Variants in LETMD1 observed in about 807,000 individuals in gnomAD.
The protein encoded by LETMD1 is LETM1 domain containing 1.
A neutral mutation model predicts 43.9 loss-of-function variants in LETMD1; 30 were observed. The ratio of observed to expected loss-of-function variants is 0.68; its 90% CI spans 0.51 to 0.93. The LOEUF (loss-of-function observed/expected upper bound fraction) is 0.93. Ranked by LOEUF, LETMD1 falls within the 40% of genes least tolerant of loss-of-function variation. The pLI is 0.00. For synonymous variants in LETMD1, 176 were observed against 163.1 expected (o/e 1.08, Z -0.60); for missense variants, 413 against 447.7 (o/e 0.92, Z 0.70).
At chr12:51,068,643 C>T in the LETMD1 span, among the ~76,000 whole-genome samples, 1 of 152,162 alleles carries the variant, frequency 6.6e-6, no homozygotes, top group African/African-American at 2.4e-5. Flanking sequence ...TATTTCCAGA[C>T]ATGTATCCCC....
chr12:51,054,311 C>T (rs989507695), intron 4 of LETMD1, among the ~76,000 whole-genome samples: 1 of 152,146 alleles, frequency 6.6e-6, no homozygotes, highest in African/African-American at 2.4e-5. Context: ...AGCTTAATAG[C>T]ATAAAACAAT....
intron 2 of LETMD1, 147 bp downstream of exon 2, chr12:51,049,332 T>C (rs1479078340): frequency 1.4e-5 from 9 of 621,110 alleles, no homozygotes; most frequent in Middle Eastern, 2.7e-4. Context: ...CTTAAACTAA[T>C]TCCTATAAAT....
At chr12:51,055,683 A>AAC (rs1947464717) in intron 4 of LETMD1, 152 bp from the exon 5 acceptor site, 2 of 439,374 alleles carry the variant, frequency 4.6e-6, no homozygotes, top group Admixed American at 4.1e-5. Context: ...AAAAAAAAAA[A>AAC]AAAAAAACTG....
At chr12:51,058,976 C>T (rs566229985) in intron 8 of LETMD1, 3 of 266,646 alleles carry the variant, frequency 1.1e-5, no homozygotes, top group Admixed American at 9.3e-5. Flanking sequence ...GGCTTGTTTG[C>T]CCCCTGTTTA....
At chr12:51,055,685 A>C (rs1592654499) in intron 4 of LETMD1, 150 bp from the exon 5 acceptor site, 3 of 444,534 alleles carry the variant, frequency 6.7e-6, no homozygotes, top group East Asian at 7.6e-5. Context: ...AAAAAAAAAA[A>C]AAAAACTGAA....
chr12:51,065,277 T>C (rs1938046645), downstream of LETMD1, among the ~76,000 whole-genome samples: 1 of 152,208 alleles, frequency 6.6e-6, no homozygotes, highest in South Asian at 2.1e-4. Context: ...GGTTGACTAG[T>C]TTAGTTCTGA....
chr12:51,064,065 T>C (rs534645873), downstream of LETMD1: 3 of 1,614,196 alleles, frequency 1.9e-6, no homozygotes, highest in African/African-American at 4.0e-5. Flanking sequence ...GGCTGAGCCT[T>C]CTTCCGTACC....
rs755167869 is a variant in LETMD1, at chr12:51,048,463, C to G, written c.107C>G (p.Ala36Gly). 1.2e-6 allele frequency: 2 copies of G among 1,613,798 alleles called. No individual in the cohort carries two copies. The highest frequency in any genetic ancestry group is 1.7e-6 in the Non-Finnish European group (2 of 1,180,028). ...RRLQLGRSGL[A>G]WGAPRSSKLH... ...CTGCAACTTGGTCGCTCTGGCCTGG[C>G]TTGGGGGGCCCCTCGGTGAGGGACC... is the stretch of plus-strand genomic sequence containing the variant. Residue 36 changes from alanine to glycine, a missense_variant, in exon 1 of 9, where the codon GCT becomes GGT. Coordinates refer to ENST00000262055, the MANE Select transcript of LETMD1 (RefSeq NM_015416.5).
chr12:51,063,724 G>C (rs1937802726), downstream of LETMD1: 39 of 1,497,472 alleles, frequency 2.6e-5, no homozygotes, highest in East Asian at 8.9e-4. Flanking sequence ...GAATGGGTAA[G>C]AGGCAGGACC....
At chr12:51,058,239 C>A in intron 8 of LETMD1, 111 bp downstream of exon 8, 1 of 712,568 alleles carries the variant, frequency 1.4e-6, no homozygotes, top group Admixed American at 2.2e-5. Flanking sequence ...TATATACATA[C>A]ATCTAATTGA....
chr12:51,051,967 A>T, intron 2 of LETMD1, 125 bp from the exon 3 acceptor site: 2 of 779,824 alleles, frequency 2.6e-6, no homozygotes, highest in Non-Finnish European at 4.0e-6. Context: ...TACCTAGTTT[A>T]AAGCTTTGAG....
In LETMD1 at chr12:51,049,092, G is replaced by C. The variant is rs1296592745; in HGVS notation, c.181G>C (p.Val61Leu). 6.2e-7 allele frequency: 1 copy of C among 1,613,536 alleles called. No homozygotes were observed. The highest frequency in any genetic ancestry group is 1.7e-5 in the Admixed American group (1 of 60,002). The change falls in exon 2 of 9, where the codon GTA becomes CTA. Residue 61 changes from valine (V) to leucine (L), a missense_variant. Val to Leu is a conservative substitution (Grantham distance 32). Coordinates refer to ENST00000262055, the MANE Select transcript of LETMD1 (RefSeq NM_015416.5). ...ADVKNLMSYV[V>L]TKTKAINGKY... ...TGTGAAGAACTTGATGTCTTATGTG[G>C]TAACCAAGACAAAAGCGATTAATGG...
At chr12:51,054,925 C>T (rs758040271) in intron 4 of LETMD1, among the ~76,000 whole-genome samples, 1 of 152,054 alleles carries the variant, frequency 6.6e-6, no homozygotes, top group Non-Finnish European at 1.5e-5. Flanking sequence ...ACAGTGAAAC[C>T]CTGTCTCTAC....
At chr12:51,048,918 A>G in intron 1 of LETMD1, 116 bp from the exon 2 acceptor site, 1 of 995,370 alleles carries the variant, frequency 1.0e-6, no homozygotes, top group Non-Finnish European at 1.5e-6. Context: ...CTTGGATTTC[A>G]GAAGTGTCAA....
At chr12:51,052,301 T>G in intron 3 of LETMD1, 94 bp downstream of exon 3, 1 of 1,448,624 alleles carries the variant, frequency 6.9e-7, no homozygotes, top group East Asian at 2.4e-5. Flanking sequence ...TTGTTCACCA[T>G]TGATCAAGCT....
At chr12:51,064,420 T>C (rs1431756940), downstream of LETMD1, 6 of 1,613,064 alleles carry the variant, frequency 3.7e-6, no homozygotes, top group Non-Finnish European at 5.1e-6. Flanking sequence ...GCTGTCTCAT[T>C]CTCAGCAATG....
downstream of LETMD1, among the ~76,000 whole-genome samples, chr12:51,060,592 AAG>A (rs1008308160): frequency 6.6e-6 from 1 of 152,190 alleles, no homozygotes; most frequent in African/African-American, 2.4e-5. Flanking sequence ...TAACAAGGAA[AAG>A]AGAATTTCAT....
chr12:51,060,926 A>T (rs1482031537), downstream of LETMD1, among the ~76,000 whole-genome samples: 1 of 147,670 alleles, frequency 6.8e-6, no homozygotes, highest in East Asian at 2.0e-4. Context: ...AAAAAAAGTT[A>T]ATGGAATGAG....
At position 51,055,901 on chromosome 12, in the gene LETMD1, A is replaced by C; in HGVS notation, c.540A>C (p.Leu180Phe). The C allele has an allele frequency of 1.2e-6, 2 of 1,613,988 alleles. No individual in the cohort carries two copies. The highest frequency in any genetic ancestry group is 1.7e-6 in the Non-Finnish European group (2 of 1,179,880). ...FWTPKQQTDF[L>F]DIYHAFRKQS... ...CCCCAAAACAACAAACTGATTTCTTAGATATCTATCATGCTTTCCGGAAGC... is the reference window on the plus strand; with the variant it reads ...CCCCAAAACAACAAACTGATTTCTTCGATATCTATCATGCTTTCCGGAAGC... Residue 180 changes from leucine to phenylalanine, a missense_variant, in exon 5 of 9, where the codon TTA (leucine) becomes TTC (phenylalanine). Transcript: ENST00000262055.
Sources: allele counts gnomAD v4.1 joint callset (sites outside exome capture counted in the v4.1 genomes callset), GRCh38; gene constraint gnomAD v4.1.1; transcripts MANE v1.5; gene names NCBI Gene and HGNC (gene_info 2026-07-23, HGNC 2026-07-21).